The following RFX4 variants were observed in gnomAD, a reference collection of about 807,000 sequenced individuals.
The protein encoded by RFX4 is regulatory factor X4, also known as transcription factor RFX4.
In RFX4, 10 loss-of-function variants were observed where a neutral mutation model predicts 95.0. The ratio of observed to expected loss-of-function variants is 0.11; its 90% CI spans 0.06 to 0.18. RFX4 has a LOEUF of 0.18. Ranked by LOEUF, RFX4 falls within the 10% of genes least tolerant of loss-of-function variation. The pLI, the probability that RFX4 is intolerant of heterozygous loss-of-function variation, is 1.00. For missense variants in RFX4, 640 were observed against 922.0 expected, an observed-to-expected ratio of 0.69 and a Z score of 3.96; for synonymous variants, 321 against 340.7, an observed-to-expected ratio of 0.94 and a Z score of 0.64.
At position 106,598,392 on chromosome 12, in the gene RFX4, C is replaced by T. The variant is rs370770956; in HGVS notation, c.44-10405C>T. Reference sequence around the variant, plus strand: ...TAATAATAGAACATTAAGAGAAAAACGAATGGAAATGCTATGTTTGCTAGA... The same window carrying T: ...TAATAATAGAACATTAAGAGAAAAATGAATGGAAATGCTATGTTTGCTAGA... On this transcript the variant is annotated intron_variant, in intron 1 of 17. Coordinates refer to ENST00000392842, the MANE Select transcript of RFX4 (RefSeq NM_213594.3). 5.3e-5 allele frequency among the ~76,000 whole-genome samples: 8 copies of T among 152,044 alleles called. No homozygotes were observed. The East Asian group carries it at 9.6e-4, about 18-fold the overall frequency.
intron 7 of RFX4, among the ~76,000 whole-genome samples, chr12:106,689,901 T>C (rs1397704624): frequency 2.6e-5 from 4 of 152,060 alleles, no homozygotes; most frequent in Admixed American, 6.6e-5. Flanking sequence ...TTTAAAATAT[T>C]GTAGTTAAAG....
intron 11 of RFX4, among the ~76,000 whole-genome samples, chr12:106,716,645 CTG>C (rs2042298030): frequency 6.6e-6 from 1 of 152,164 alleles, no homozygotes; most frequent in South Asian, 2.1e-4. Context: ...CTCACTCAGG[CTG>C]TTACTTCTTC....
At chr12:106,701,256 G>A (rs2041984597) in intron 8 of RFX4, among the ~76,000 whole-genome samples, 1 of 152,178 alleles carries the variant, frequency 6.6e-6, no homozygotes, top group Non-Finnish European at 1.5e-5. Flanking sequence ...TGTAGGCAGT[G>A]TGCCTTTTTT....
In RFX4 at chr12:106,600,004, C is replaced by G. The variant is rs1055210084; in HGVS notation, c.44-8793C>G. Among the ~76,000 whole-genome samples, 3 of 152,206 alleles carry G rather than the reference C, an allele frequency of 2.0e-5. No individual in the cohort carries two copies. In the East Asian group the frequency reaches 5.8e-4, roughly 29 times the overall value. On this transcript the variant is annotated intron_variant, in intron 1 of 17. Transcript: ENST00000392842. ...CCCACAGAACTGCTTTGCTTATGCC[C>G]CACTCTACTCAAAAACTTTATGAGC...
rs191415137 is a variant in RFX4, at chr12:106,707,885, C to T, written c.834-1445C>T. 3.3e-5 allele frequency among the ~76,000 whole-genome samples: 5 copies of T among 152,290 alleles called. No individual in the cohort carries two copies. In the East Asian group the frequency reaches 7.7e-4, roughly 23 times the overall value. ...TAGTGGCTCACGCCTGTAATCCCAG[C>T]GCTTTGGGAGGCCAAGGCGGGTGGA... On this transcript the variant is annotated intron_variant, in intron 8 of 17. Coordinates refer to ENST00000392842, the MANE Select transcript of RFX4 (RefSeq NM_213594.3).
chr12:106,700,677 A>AAAT (rs2041971574), intron 8 of RFX4, among the ~76,000 whole-genome samples: 1 of 151,732 alleles, frequency 6.6e-6, no homozygotes, highest in African/African-American at 2.4e-5. Context: ...AAGTGCTGGG[A>AAAT]TTACAGGCGT....
chr12:106,623,035 GTCT>G lies in RFX4; in HGVS notation c.130+14154_130+14156del, dbSNP rs1348889293. ...TCTATATGTCTGCCTTTCAGCATTA[GTCT>G]TTTTTTTTTTTTTTTTTTGAGATGG... is the stretch of plus-strand genomic sequence containing the variant. On this transcript the variant is annotated intron_variant, in intron 2 of 17. Coordinates refer to ENST00000392842, the MANE Select transcript of RFX4 (RefSeq NM_213594.3). 1.5e-3 allele frequency among the ~76,000 whole-genome samples: 207 copies of G among 136,942 alleles called. 1 individual carries two copies. The highest frequency in any genetic ancestry group is 5.4e-3 in the African/African-American group (194 of 35,956). 89.8% of individuals were successfully genotyped at this position (136,942 alleles called of 152,430 possible).
intron 4 of RFX4, among the ~76,000 whole-genome samples, chr12:106,667,431 G>A (rs557546100): frequency 2.8e-4 from 42 of 152,264 alleles, no homozygotes; most frequent in South Asian, 1.5e-3. Context: ...TTCCCCTGCC[G>A]GAAGCGTGAG....
At chr12:106,608,993 C>T (rs895923297) in intron 2 of RFX4, 110 bp downstream of exon 2, 13 of 831,678 alleles carry the variant, frequency 1.6e-5, no homozygotes, top group Non-Finnish European at 2.3e-5. Flanking sequence ...TGGAACAAGA[C>T]ACTCTCTAGC....
At chr12:106,611,596 C>T (rs1015395532) in intron 2 of RFX4, among the ~76,000 whole-genome samples, 3 of 151,928 alleles carry the variant, frequency 2.0e-5, no homozygotes, top group Admixed American at 6.6e-5. Context: ...CTGCAACCTC[C>T]GCCTCCCAGG....
intron 1 of RFX4, among the ~76,000 whole-genome samples, chr12:106,599,784 G>A (rs1444756471): frequency 6.6e-6 from 1 of 151,940 alleles, no homozygotes; most frequent in East Asian, 1.9e-4. Flanking sequence ...CCTACAGAGG[G>A]GGACAAGTAA....
chr12:106,615,732 T>A (rs1324700016), intron 2 of RFX4, among the ~76,000 whole-genome samples: 1 of 152,232 alleles, frequency 6.6e-6, no homozygotes, highest in Admixed American at 6.5e-5. Flanking sequence ...TTGATGTTTT[T>A]CAATGCTAAT....
intron 13 of RFX4, among the ~76,000 whole-genome samples, chr12:106,726,183 G>A (rs1201166672): frequency 6.6e-6 from 1 of 151,426 alleles, no homozygotes. Flanking sequence ...GGGAGGCAGA[G>A]GTTGCAGTGA....
At chr12:106,590,567 C>T (rs1423097477) in intron 1 of RFX4, among the ~76,000 whole-genome samples, 2 of 152,214 alleles carry the variant, frequency 1.3e-5, no homozygotes, top group African/African-American at 4.8e-5. Flanking sequence ...GTGTTCCTAA[C>T]TTTCCTGAGG....
chr12:106,583,386 G>A (rs73390190), intron 1 of RFX4, 23 bp downstream of exon 1: 8 of 1,553,152 alleles, frequency 5.2e-6, no homozygotes, highest in Admixed American at 2.1e-5. Context: ...GGCGGGGTTG[G>A]GGGGATACAT....
At chr12:106,700,705 C>CTTT (rs2041972823) in intron 8 of RFX4, among the ~76,000 whole-genome samples, 1 of 152,036 alleles carries the variant, frequency 6.6e-6, no homozygotes, top group African/African-American at 2.4e-5. Flanking sequence ...CGCGCCCGGC[C>CTTT]AAGTTTGTAT....
intron 17 of RFX4, among the ~76,000 whole-genome samples, chr12:106,758,160 G>A (rs566783030): frequency 1.3e-5 from 2 of 152,174 alleles, no homozygotes; most frequent in Non-Finnish European, 2.9e-5. Context: ...GTATGAAACC[G>A]GATGTAAAGT....
chr12:106,711,592 C>A (rs2042192123), intron 10 of RFX4, 81 bp downstream of exon 10: 3 of 1,118,694 alleles, frequency 2.7e-6, no homozygotes, highest in Non-Finnish European at 4.1e-6. Context: ...CAACCTCCTG[C>A]AGGATCTTTC....
intron 17 of RFX4, among the ~76,000 whole-genome samples, chr12:106,758,483 T>C (rs1283354857): frequency 6.6e-6 from 1 of 152,176 alleles, no homozygotes; most frequent in East Asian, 1.9e-4. Context: ...AGCACAGCTG[T>C]GTCGAGGGTC....
Sources: gnomAD v4.1 joint callset for allele counts (sites outside exome capture counted in the v4.1 genomes callset) on GRCh38, gnomAD v4.1.1 for gene constraint, MANE v1.5 for transcripts, NCBI Gene and HGNC (gene_info 2026-07-23, HGNC 2026-07-21) for gene names.